Variants in ADGRB3 observed in about 807,000 individuals in gnomAD.
ADGRB3 encodes the protein brain-specific angiogenesis inhibitor 3.
In ADGRB3, 37 loss-of-function variants were observed where a neutral mutation model predicts 193.4. The observed-to-expected ratio is 0.19, with a 90% CI of 0.15 to 0.25. The LOEUF (loss-of-function observed/expected upper bound fraction) is 0.25. Ranked by LOEUF, ADGRB3 falls within the 10% of genes least tolerant of loss-of-function variation. The pLI is 1.00. For synonymous variants in ADGRB3, 690 were observed against 644.2 expected (o/e 1.07, Z -1.08); for missense variants, 1,637 against 1,852.9 (o/e 0.88, Z 2.14).
rs185197566 is a variant in ADGRB3 at position 69,108,258 on chromosome 6, C to T, written c.2480+32220C>T. On this transcript the variant is annotated intron_variant, in intron 17 of 31. Coordinates refer to ENST00000370598, the MANE Select transcript of ADGRB3 (RefSeq NM_001704.3). ...TTTCTCTCCCCTTTAAGATTGAGTACGGTGAAGTGGCTAAGGGTTTACCTA... is the reference window on the plus strand; with the variant it reads ...TTTCTCTCCCCTTTAAGATTGAGTATGGTGAAGTGGCTAAGGGTTTACCTA... 1.2e-3 allele frequency among the ~76,000 whole-genome samples: 179 copies of T among 152,168 alleles called. 1 individual carries two copies. The highest frequency in any genetic ancestry group is 3.1e-4 in the Non-Finnish European group (21 of 68,026).
At chr6:68,915,845 A>G (rs1766864546) in intron 3 of ADGRB3, among the ~76,000 whole-genome samples, 1 of 152,180 alleles carries the variant, frequency 6.6e-6, no homozygotes, top group South Asian at 2.1e-4. Context: ...TTATGCTGTC[A>G]TGATTCAGTA....
chr6:68,904,427 T>G (rs980489336), intron 3 of ADGRB3, among the ~76,000 whole-genome samples: 1 of 152,194 alleles, frequency 6.6e-6, no homozygotes, highest in African/African-American at 2.4e-5. Flanking sequence ...TGACTGTATG[T>G]TGACTACACA....
At chr6:69,005,908 A>G (rs1769736255) in intron 11 of ADGRB3, among the ~76,000 whole-genome samples, 2 of 152,114 alleles carry the variant, frequency 1.3e-5, no homozygotes, top group African/African-American at 2.4e-5. Context: ...GGCATCCTGT[A>G]TTATAATATT....
At chr6:69,168,589 T>A (rs991074272) in intron 17 of ADGRB3, among the ~76,000 whole-genome samples, 2 of 152,106 alleles carry the variant, frequency 1.3e-5, no homozygotes, top group Admixed American at 6.6e-5. Flanking sequence ...CCACAGCTTT[T>A]TATTAGTCAG....
At chr6:68,731,537 A>G (rs548234796) in intron 3 of ADGRB3, among the ~76,000 whole-genome samples, 1 of 151,752 alleles carries the variant, frequency 6.6e-6, no homozygotes, top group South Asian at 2.1e-4. Context: ...ATGTTTTCAA[A>G]TATGATATAC....
chr6:68,962,239 A>T (rs1419978739), intron 8 of ADGRB3, among the ~76,000 whole-genome samples: 1 of 152,208 alleles, frequency 6.6e-6, no homozygotes, highest in East Asian at 1.9e-4. Context: ...TACCTAAAAT[A>T]GTATCCAATC....
chr6:69,225,456 G>A (rs564492019), intron 17 of ADGRB3, among the ~76,000 whole-genome samples: 1 of 152,100 alleles, frequency 6.6e-6, no homozygotes, highest in Non-Finnish European at 1.5e-5. Context: ...CTCTCACTGT[G>A]TCTAGTCCTC....
At chr6:69,256,875 C>T (rs1037732432) in intron 20 of ADGRB3, among the ~76,000 whole-genome samples, 5 of 152,200 alleles carry the variant, frequency 3.3e-5, no homozygotes, top group African/African-American at 4.8e-5. Context: ...TGAGATATGT[C>T]CCATCAATAC....
intron 3 of ADGRB3, among the ~76,000 whole-genome samples, chr6:68,801,413 C>T (rs761375189): frequency 1.3e-5 from 2 of 152,118 alleles, no homozygotes; most frequent in Non-Finnish European, 2.9e-5. Flanking sequence ...CCAGGCTGGG[C>T]GCAGTGGCTC....
intron 8 of ADGRB3, 104 bp downstream of exon 8, chr6:68,956,913 G>C (rs970374199): frequency 4.6e-6 from 6 of 1,298,100 alleles, no homozygotes; most frequent in Non-Finnish European, 5.3e-6. Context: ...CTCAACTAAA[G>C]AACTACTAAT....
At chr6:68,843,812 C>A (rs1228229621) in intron 3 of ADGRB3, among the ~76,000 whole-genome samples, 1 of 152,026 alleles carries the variant, frequency 6.6e-6, no homozygotes, top group Non-Finnish European at 1.5e-5. Flanking sequence ...ATGGTGCTCA[C>A]ATAAAAACAG....
At chr6:68,971,381 A>G (rs1168547423) in intron 8 of ADGRB3, among the ~76,000 whole-genome samples, 1 of 152,178 alleles carries the variant, frequency 6.6e-6, no homozygotes, top group East Asian at 1.9e-4. Context: ...ATGCCTGCAG[A>G]CCACCCTGCA....
intron 17 of ADGRB3, among the ~76,000 whole-genome samples, chr6:69,203,122 AT>A (rs566134131): frequency 3.9e-5 from 6 of 152,132 alleles, no homozygotes; most frequent in Admixed American, 6.6e-5. Context: ...GAATACAGAT[AT>A]TTGATTTGAA....
chr6:68,746,079 A>AT (rs1766077962), intron 3 of ADGRB3, among the ~76,000 whole-genome samples: 1 of 151,978 alleles, frequency 6.6e-6, no homozygotes, highest in Non-Finnish European at 1.5e-5. Flanking sequence ...GAACATTTAC[A>AT]TTTTTTCCCA....
At chr6:69,139,683 C>CT (rs1774268856) in intron 17 of ADGRB3, among the ~76,000 whole-genome samples, 1 of 152,064 alleles carries the variant, frequency 6.6e-6, no homozygotes, top group Admixed American at 6.5e-5. Flanking sequence ...GGATTTTCAC[C>CT]TTTGTTTGAC....
At chr6:69,377,984 T>C (rs2127343826) in intron 30 of ADGRB3, among the ~76,000 whole-genome samples, 1 of 152,224 alleles carries the variant, frequency 6.6e-6, no homozygotes, top group South Asian at 2.1e-4. Flanking sequence ...AGAGGACATT[T>C]ATAATGGCCT....
Position 69,338,923 on chromosome 6 carries a change from A to T in ADGRB3, c.3196A>T (p.Ser1066Cys). Reference sequence around the variant, plus strand: ...TGTTCTGTTTGTTTGCAGTCAGATGAGTGAGCCTCATAGCGGTTTGACGCT... The same window carrying T: ...TGTTCTGTTTGTTTGCAGTCAGATGTGTGAGCCTCATAGCGGTTTGACGCT... ...KKLKHRAGQM[S>C]EPHSGLTLKC... Residue 1066 changes from serine to cysteine, a missense_variant, in exon 25 of 32, where the codon AGT becomes TGT. Transcript: ENST00000370598. The T allele has an allele frequency of 2.5e-6, 4 of 1,613,530 alleles. No homozygotes were observed. Among genetic ancestry groups the T allele is most frequent in the Non-Finnish European group, 3.4e-6 (4 of 1,179,688 alleles).
chr6:68,912,086 T>G (rs1218996127), intron 3 of ADGRB3, among the ~76,000 whole-genome samples: 7 of 152,008 alleles, frequency 4.6e-5, no homozygotes, highest in Admixed American at 1.3e-4. Context: ...GGTAAAAGAG[T>G]TCAGTTCTTT....
At chr6:69,187,769 CAG>C (rs1765100986) in intron 17 of ADGRB3, among the ~76,000 whole-genome samples, 1 of 152,196 alleles carries the variant, frequency 6.6e-6, no homozygotes, top group Non-Finnish European at 1.5e-5. Flanking sequence ...CAACTTTTGA[CAG>C]AGCTGGCTCT....
Sources: gnomAD v4.1 joint callset for allele counts (sites outside exome capture counted in the v4.1 genomes callset) on GRCh38, gnomAD v4.1.1 for gene constraint, MANE v1.5 for transcripts, NCBI Gene and HGNC (gene_info 2026-07-23, HGNC 2026-07-21) for gene names.